Variants in GRIA2 observed in about 807,000 individuals in gnomAD.
GRIA2 encodes the protein glutamate ionotropic receptor AMPA type subunit 2.
Under a neutral mutation model 97.3 loss-of-function variants are expected in GRIA2, and 14 were observed. The ratio of observed to expected loss-of-function variants is 0.14; its 90% confidence interval spans 0.10 to 0.23. The LOEUF is 0.23. Ranked by LOEUF, GRIA2 falls within the 10% of genes least tolerant of loss-of-function variation. The probability of loss-of-function intolerance (pLI) is 1.00; values close to 1 mark genes in which losing one functional copy is unlikely to be tolerated. For missense variants in GRIA2, 558 were observed against 1,069.8 expected (o/e 0.52, Z 6.67); for synonymous variants, 412 against 387.8 (o/e 1.06, Z -0.73).
rs147406932 is a variant in GRIA2 at position 157,310,520 on chromosome 4, C to T, written c.470-2159C>T. Among the ~76,000 whole-genome samples, 299 of 152,096 alleles carry T rather than the reference C, an allele frequency of 2.0e-3. 2 individuals are homozygous for T. The highest frequency in any genetic ancestry group is 6.5e-3 in the African/African-American group (272 of 41,538). On this transcript the variant is annotated intron_variant, in intron 3 of 15. Coordinates refer to ENST00000264426, the MANE Select transcript of GRIA2 (RefSeq NM_001083619.3). ...TAGTATATGAGCAATTTTGCTTGAT[C>T]TATATCTCTTTTTTTCCCTGCAATT...
chr4:157,317,348 T>C (rs11723583), intron 4 of GRIA2, among the ~76,000 whole-genome samples: 9,235 of 152,210 alleles, frequency 0.061, 351 homozygotes, highest in Middle Eastern at 0.12. Flanking sequence ...CTAAAGATAC[T>C]TTGGTTTCAT....
At chr4:157,306,116 C>G (rs919845938) in intron 3 of GRIA2, among the ~76,000 whole-genome samples, 4 of 152,172 alleles carry the variant, frequency 2.6e-5, no homozygotes, top group African/African-American at 9.7e-5. Flanking sequence ...ATGACTAATT[C>G]TCTTTACACT....
intron 11 of GRIA2, among the ~76,000 whole-genome samples, chr4:157,340,984 T>C (rs1376107038): frequency 6.6e-6 from 1 of 152,056 alleles, no homozygotes; most frequent in African/African-American, 2.4e-5. Context: ...TTGAAATTGC[T>C]TTCTTATGGG....
At chr4:157,274,174 A>C (rs1228701841) in intron 2 of GRIA2, among the ~76,000 whole-genome samples, 1 of 151,878 alleles carries the variant, frequency 6.6e-6, no homozygotes, top group Admixed American at 6.6e-5. Flanking sequence ...GACAAACAAA[A>C]CCTGAGGGAA....
intron 4 of GRIA2, 113 bp from the exon 5 acceptor site, chr4:157,317,545 A>G (rs1734377521): frequency 2.2e-6 from 1 of 452,766 alleles, no homozygotes. Flanking sequence ...TGGCACATCA[A>G]CAAACCTAGC....
At chr4:157,262,334 A>C (rs529625828) in intron 2 of GRIA2, among the ~76,000 whole-genome samples, 2 of 152,012 alleles carry the variant, frequency 1.3e-5, no homozygotes, top group Non-Finnish European at 2.9e-5. Context: ...TCATCCCTTG[A>C]TCTCTTTCTG....
chr4:157,320,070 G>T (rs561868952), intron 5 of GRIA2, among the ~76,000 whole-genome samples: 1 of 152,096 alleles, frequency 6.6e-6, no homozygotes, highest in Admixed American at 6.5e-5. Context: ...TTTCTAAAAA[G>T]CTTTATTCAT....
intron 12 of GRIA2, among the ~76,000 whole-genome samples, chr4:157,355,985 A>ATATG (rs1306087342): frequency 1.1e-5 from 1 of 93,804 alleles, no homozygotes; most frequent in East Asian, 2.7e-4. Context: ...ATATATTTAT[A>ATATG]TATTTATATA....
At chr4:157,354,957 T>G (rs954387969) in intron 12 of GRIA2, among the ~76,000 whole-genome samples, 9 of 152,194 alleles carry the variant, frequency 5.9e-5, no homozygotes, top group African/African-American at 2.2e-4. Flanking sequence ...GGTTGGAGTT[T>G]AATTCTAACT....
intron 2 of GRIA2, among the ~76,000 whole-genome samples, chr4:157,300,230 A>T (rs1231842670): frequency 6.6e-6 from 1 of 152,110 alleles, no homozygotes; most frequent in African/African-American, 2.4e-5. Flanking sequence ...AGTAATTCCA[A>T]AGTACTGCAG....
chr4:157,303,139 A>G (rs1189652597), intron 2 of GRIA2, among the ~76,000 whole-genome samples: 1 of 152,204 alleles, frequency 6.6e-6, no homozygotes, highest in Non-Finnish European at 1.5e-5. Flanking sequence ...ATGTAAAAGC[A>G]TCATAAATAC....
At chr4:157,355,009 TAAA>T in intron 12 of GRIA2, among the ~76,000 whole-genome samples, 1 of 152,116 alleles carries the variant, frequency 6.6e-6, no homozygotes, top group Non-Finnish European at 1.5e-5. Context: ...CCTTCTGAAA[TAAA>T]AACTTACAAT....
chr4:157,359,765 G>T (rs1456224959), intron 12 of GRIA2, 131 bp from the exon 13 acceptor site: 10 of 742,554 alleles, frequency 1.3e-5, no homozygotes, highest in Non-Finnish European at 2.0e-5. Context: ...GAAAAAAATT[G>T]TTGAAAGATG....
In GRIA2 at chr4:157,223,334, A is replaced by C. The variant is rs1381130324; in HGVS notation, c.229+1527A>C. Among the ~76,000 whole-genome samples the C allele has an allele frequency of 3.9e-5, 6 of 152,284 alleles. No individual in the cohort carries two copies. In the East Asian group the frequency reaches 9.7e-4, roughly 25 times the overall value. ...CTATTTAAGAAGGTTTCACTGCTAT[A>C]TATTTTCTTCAAATGTTGGTGCCAA... is the stretch of plus-strand genomic sequence containing the variant. On this transcript the variant is annotated intron_variant, in intron 2 of 15. Coordinates refer to ENST00000264426, the MANE Select transcript of GRIA2 (RefSeq NM_001083619.3).
intron 12 of GRIA2, among the ~76,000 whole-genome samples, chr4:157,358,907 A>C (rs535889167): frequency 1.9e-4 from 29 of 151,700 alleles, no homozygotes; most frequent in Admixed American, 7.2e-4. Context: ...AAACAAACAA[A>C]CCCCCCCCAA....
At chr4:157,360,987 C>A (rs781556530) in intron 13 of GRIA2, 23 bp from the exon 14 acceptor site, 3 of 1,535,086 alleles carry the variant, frequency 2.0e-6, no homozygotes, top group Non-Finnish European at 1.8e-6. Context: ...CCCTGTCTGA[C>A]AAGTATGTTT....
At chr4:157,271,048 A>G (rs1397817353) in intron 2 of GRIA2, among the ~76,000 whole-genome samples, 1 of 152,050 alleles carries the variant, frequency 6.6e-6, no homozygotes, top group East Asian at 1.9e-4. Context: ...ATAACTAACC[A>G]TATTAGAATA....
chr4:157,308,961 G>A (rs1007144838), intron 3 of GRIA2, among the ~76,000 whole-genome samples: 1 of 152,086 alleles, frequency 6.6e-6, no homozygotes. Context: ...GAGGAATGAG[G>A]TGAGGAGATC....
Position 157,341,418 on chromosome 4 carries a change from G to T in GRIA2, c.1999G>T (p.Ala667Ser), listed in dbSNP as rs762814243. ...GGATCTTTCTAAGCAAACAGAAATTGCTTATGGAACATTAGACTCTGGCTC... is the reference window on the plus strand; with the variant it reads ...GGATCTTTCTAAGCAAACAGAAATTTCTTATGGAACATTAGACTCTGGCTC... Reference protein sequence around the residue: ...AEDLSKQTEIAYGTLDSGSTK... With the variant: ...AEDLSKQTEISYGTLDSGSTK... The change falls in exon 12 of 16, where the codon GCT (alanine) becomes TCT (serine). Residue 667 changes from alanine (A) to serine (S), a missense_variant. Ala to Ser is a moderately conservative substitution (Grantham distance 99). Coordinates refer to ENST00000264426, the MANE Select transcript of GRIA2 (RefSeq NM_001083619.3). The T allele has an allele frequency of 1.8e-5, 29 of 1,612,576 alleles. No individual in the cohort carries two copies. The South Asian group carries it at 3.1e-4, about 17-fold the overall frequency.
Sources: allele counts gnomAD v4.1 joint callset (sites outside exome capture counted in the v4.1 genomes callset), GRCh38; gene constraint gnomAD v4.1.1; transcripts MANE v1.5; gene names NCBI Gene and HGNC (gene_info 2026-07-23, HGNC 2026-07-21).